RYR1: variants seen among roughly 807,000 people sequenced by gnomAD.
RYR1 encodes ryanodine receptor 1, also known as central core disease of muscle.
In RYR1, 342 loss-of-function variants were observed where a neutral mutation model predicts 583.5. The observed-to-expected ratio is 0.59, with a 90% CI of 0.54 to 0.64. The LOEUF is 0.64. Among genes scored for constraint, RYR1 ranks in the 30% least tolerant of loss-of-function variants. The probability of loss-of-function intolerance (pLI) is 0.00; values close to 1 mark genes in which losing one functional copy is unlikely to be tolerated. For synonymous variants in RYR1, 2,791 were observed against 2,822.5 expected, an observed-to-expected ratio of 0.99 and a Z score of 0.35; for missense variants, 6,032 against 6,917.2, an observed-to-expected ratio of 0.87 and a Z score of 4.54.
chr19:38,553,920 G>A (rs1477875683), intron 89 of RYR1, among the ~76,000 whole-genome samples: 1 of 152,144 alleles, frequency 6.6e-6, no homozygotes, highest in Non-Finnish European at 1.5e-5. Flanking sequence ...TTTTACAGGT[G>A]TCCAATATTC....
intron 60 of RYR1, 60 bp downstream of exon 60, chr19:38,510,841 C>T: frequency 6.2e-7 from 1 of 1,609,868 alleles, no homozygotes; most frequent in Non-Finnish European, 8.5e-7. Context: ...AATCCTTTGC[C>T]CATGGAGGCT....
chr19:38,569,286 C>T (rs1175466846), intron 93 of RYR1, among the ~76,000 whole-genome samples: 2 of 151,994 alleles, frequency 1.3e-5, no homozygotes, highest in African/African-American at 4.8e-5. Context: ...GGATTACAGG[C>T]GTGAGCCACT....
Position 38,534,732 on chromosome 19 carries a change from G to C in RYR1, c.11272G>C (p.Glu3758Gln). The C allele has an allele frequency of 6.2e-7, 1 of 1,613,970 alleles. No homozygotes were observed. Among genetic ancestry groups the C allele is most frequent in the Non-Finnish European group, 8.5e-7 (1 of 1,179,976 alleles). The stretch of plus-strand genomic sequence containing the variant: ...CCTCCCTTCCCAGGAGAAACAGATG[G>C]AGAAGCAGAGGCTCTTGTACCAGCA... The part of the protein sequence containing the change: ...VEVSFEEKQM[E>Q]KQRLLYQQAR... Residue 3758 changes from glutamate to glutamine, a missense_variant, in exon 79 of 106, where the codon GAG becomes CAG. This residue lies in a region of RYR1 where 1,493 missense variants were observed against 1,715.5 expected (regional missense o/e 0.87). Coordinates refer to ENST00000359596, the MANE Select transcript of RYR1 (RefSeq NM_000540.3).
intron 84 of RYR1, among the ~76,000 whole-genome samples, chr19:38,539,504 C>CTGGG (rs1398019237): frequency 1.3e-5 from 2 of 152,054 alleles, no homozygotes; most frequent in African/African-American, 4.8e-5. Context: ...TCCTAAAATG[C>CTGGG]TGGGATTACA....
At position 38,496,338 on chromosome 19, in the gene RYR1, C is replaced by T. The variant is rs775333313; in HGVS notation, c.6663+9C>T. 2 of 1,613,900 alleles carry T rather than the reference C, an allele frequency of 1.2e-6. No individual in the cohort carries two copies. The highest frequency in any genetic ancestry group is 2.2e-5 in the South Asian group (2 of 91,082). ...GGGGCGGCGAGTCCAAGGTGAGGGC[C>T]CAGGCAGGTGCTGGGGAGCTCAGGG... On this transcript the variant is annotated intron_variant, in intron 40 of 105. Coordinates refer to ENST00000359596, the MANE Select transcript of RYR1 (RefSeq NM_000540.3). The surrounding 1 kb of genome is among the most constrained non-coding windows in gnomAD (Gnocchi z 4.8).
chr19:38,565,119 A>T lies in RYR1; in HGVS notation c.12785A>T (p.Asp4262Val), dbSNP rs1973331331. Residue 4262 changes from aspartate to valine, a missense_variant, in exon 91 of 106, where the codon GAC becomes GTC. Coordinates refer to ENST00000359596, the MANE Select transcript of RYR1 (RefSeq NM_000540.3). This position sits in a 1 kb window ranked among gnomAD's most constrained non-coding sequence, Gnocchi z 4.7. ...EPEGEPETDEDEGAGAAEAGA... is the reference protein window; with the variant it reads ...EPEGEPETDEVEGAGAAEAGA... The stretch of plus-strand genomic sequence containing the variant: ...GAGGGCGAGCCGGAGACCGACGAGG[A>T]CGAGGGCGCGGGCGCGGCGGAGGCG... 1.3e-6 allele frequency: 2 copies of T among 1,538,414 alleles called. No individual in the cohort carries two copies. The highest frequency in any genetic ancestry group is 2.7e-5 in the African/African-American group (2 of 72,976).
At chr19:38,535,252 C>T (rs770195101) in intron 80 of RYR1, 32 bp downstream of exon 80, 1 of 1,613,474 alleles carries the variant, frequency 6.2e-7, no homozygotes, top group Non-Finnish European at 8.5e-7. Flanking sequence ...CAGAAGAAGG[C>T]AAGGAGGGAT....
Position 38,517,363 on chromosome 19 carries a change from G to T in RYR1, c.9690G>T (p.Leu3230=). ...TTKSPRERAI[L]GLPNSVEEMC... ...GCCCCCGTCCCTGTACCCCAGTCCT[G>T]GGGCTCCCCAACAGTGTGGAGGAGA... Residue 3230 remains leucine, a synonymous_variant, in exon 66 of 106, where the codon CTG becomes CTT. Coordinates refer to ENST00000359596, the MANE Select transcript of RYR1 (RefSeq NM_000540.3). 6.2e-7 allele frequency: 1 copy of T among 1,613,276 alleles called. No homozygotes were observed.
intron 7 of RYR1, among the ~76,000 whole-genome samples, chr19:38,445,447 C>T (rs1226642908): frequency 6.6e-6 from 1 of 151,950 alleles, no homozygotes; most frequent in African/African-American, 2.4e-5. Context: ...GCTAAGACTC[C>T]AGGCATGGCC....
At position 38,502,895 on chromosome 19, in the gene RYR1, G is replaced by A. The variant is rs745334519; in HGVS notation, c.7851G>A (p.Ser2617=). 5.3e-5 allele frequency: 85 copies of A among 1,611,346 alleles called. No individual in the cohort carries two copies. Among genetic ancestry groups the A allele is most frequent in the Non-Finnish European group, 6.9e-5 (82 of 1,179,984 alleles). The change falls in exon 49 of 106, where the codon TCG becomes TCA. Residue 2617 remains serine, a synonymous_variant. Transcript: ENST00000359596. ...TGTCCCGCAGGTACATCCGCCCGTC[G>A]ATGCTGCAGCACCTGTTGCGCCGCC... The part of the protein sequence containing the change: ...LMSLCRYIRP[S]MLQHLLRRLV...
intron 101 of RYR1, among the ~76,000 whole-genome samples, chr19:38,581,165 C>T (rs1262868970): frequency 1.3e-5 from 2 of 151,742 alleles, no homozygotes; most frequent in Non-Finnish European, 2.9e-5. Flanking sequence ...GCAAGCTCCG[C>T]CTCCCGGGTT....
At chr19:38,562,867 G>C (rs1464013280) in intron 90 of RYR1, among the ~76,000 whole-genome samples, 1 of 152,054 alleles carries the variant, frequency 6.6e-6, no homozygotes, top group African/African-American at 2.4e-5. Context: ...CCTGGCCCCC[G>C]GTGTCTCCTC....
chr19:38,460,665 C>T, intron 20 of RYR1, 74 bp downstream of exon 20: 17 of 1,367,966 alleles, frequency 1.2e-5, no homozygotes, highest in Non-Finnish European at 1.7e-5. Flanking sequence ...AGGGTGCCAT[C>T]GTTCATGCCT....
chr19:38,509,450 A>ATTTTTTTTTTTTTTT (rs534650223), intron 58 of RYR1, among the ~76,000 whole-genome samples: 1 of 104,370 alleles, frequency 9.6e-6, no homozygotes. Context: ...TATTATTATT[A>ATTTTTTTTTTTTTTT]TTTTTTTTTT....
chr19:38,573,131 AGCCAAGGTGCCTGAC>A (rs769017162), intron 95 of RYR1, 31 bp from the exon 96 acceptor site: 83 of 1,611,318 alleles, frequency 5.2e-5, no homozygotes, highest in Non-Finnish European at 6.7e-5. Flanking sequence ...ACTATGGTCC[AGCCAAGGTGCCTGAC>A]GCCCACCTTT....
Position 38,516,118 on chromosome 19 carries a change from C to G in RYR1, c.9586C>G (p.Arg3196Gly), listed in dbSNP as rs766362010. ...GCCAGCCCTCGGGGAGTGCCTGGCC[C>G]GTCTGGCAGCAGCCATGCCGGTGGC... Reference protein sequence around the residue: ...LRPALGECLARLAAAMPVAFL... With the variant: ...LRPALGECLAGLAAAMPVAFL... Residue 3196 changes from arginine to glycine, a missense_variant, in exon 65 of 106, where the codon CGT becomes GGT. Arg to Gly is a moderately radical substitution (Grantham distance 125). Around this residue, in one of 11 missense-constraint regions of RYR1, gnomAD observed 1,493 missense variants for 1,715.5 expected, o/e 0.87. Transcript: ENST00000359596. 1 of 1,549,814 alleles carries G rather than the reference C, an allele frequency of 6.5e-7. No individual in the cohort carries two copies. Among genetic ancestry groups the G allele is most frequent in the Non-Finnish European group, 8.7e-7 (1 of 1,147,108 alleles).
intron 5 of RYR1, 66 bp downstream of exon 5, chr19:38,443,862 T>G: frequency 6.8e-7 from 1 of 1,460,670 alleles, no homozygotes; most frequent in Non-Finnish European, 9.6e-7. Context: ...GGGTAGAAGG[T>G]CTGCAGAACG....
chr19:38,529,129 T>A, intron 76 of RYR1, 72 bp downstream of exon 76: 1 of 1,502,372 alleles, frequency 6.7e-7, no homozygotes, highest in Non-Finnish European at 9.2e-7. Context: ...GCAGCTTCCC[T>A]GTGCCTCAGG....
chr19:38,442,756 C>T (rs1972755259), intron 3 of RYR1, among the ~76,000 whole-genome samples: 1 of 152,142 alleles, frequency 6.6e-6, no homozygotes, highest in Non-Finnish European at 1.5e-5. Context: ...GCTGTGGAGC[C>T]CAGAACAGGC....
Sources: gnomAD v4.1 joint callset for allele counts (sites outside exome capture counted in the v4.1 genomes callset) on GRCh38, gnomAD v4.1.1 for gene constraint, gnomAD v4.1.1 regional missense constraint, Gnocchi (gnomAD v3.1) non-coding constraint, MANE v1.5 for transcripts, NCBI Gene and HGNC (gene_info 2026-07-23, HGNC 2026-07-21) for gene names.